GSN: variants seen among roughly 807,000 people sequenced by gnomAD.
GSN encodes actin-depolymerizing factor.
GSN carries 56 observed loss-of-function variants against 85.7 expected under a neutral mutation model. The observed-to-expected ratio is 0.65, with a 90% CI of 0.53 to 0.82. The LOEUF is 0.82. Among genes scored for constraint, GSN ranks in the 40% least tolerant of loss-of-function variants. The pLI is 0.00. For synonymous variants in GSN, 373 were observed against 399.1 expected (o/e 0.93, Z 0.78); for missense variants, 857 against 979.8 (o/e 0.87, Z 1.67).
intron 6 of GSN, chr9:121,312,809 G>A (rs897356260): frequency 5.4e-6 from 1 of 186,056 alleles, no homozygotes; most frequent in African/African-American, 2.4e-5. Flanking sequence ...TGAATTTTTT[G>A]TAGGAATGAG....
chr9:121,249,821 C>A (rs1450450968), intron 6 of GSN, among the ~76,000 whole-genome samples: 1 of 152,146 alleles, frequency 6.6e-6, no homozygotes, highest in Non-Finnish European at 1.5e-5. Flanking sequence ...TCTCTGTGTT[C>A]TTGAAATTAG....
chr9:121,259,455 A>T (rs1257974700), intron 6 of GSN, among the ~76,000 whole-genome samples: 1 of 152,132 alleles, frequency 6.6e-6, no homozygotes, highest in African/African-American at 2.4e-5. Flanking sequence ...AATAAAGGAG[A>T]GTTAAACAGG....
intron 2 of GSN, among the ~76,000 whole-genome samples, chr9:121,291,408 C>T (rs2058670564): frequency 6.9e-6 from 1 of 144,598 alleles, no homozygotes; most frequent in African/African-American, 2.6e-5. Context: ...ATATGTCTCC[C>T]CACTGGACTT....
At chr9:121,238,060 A>T (rs1472418369) in intron 5 of GSN, 1 of 152,320 alleles carries the variant, frequency 6.6e-6, no homozygotes, top group Non-Finnish European at 1.5e-5. Context: ...CTAAAGGAAT[A>T]AAGAAAACAG....
chr9:121,274,956 CA>C (rs2056486781), intron 1 of GSN, among the ~76,000 whole-genome samples: 1 of 152,176 alleles, frequency 6.6e-6, no homozygotes, highest in South Asian at 2.1e-4. Context: ...TTTGGCCAAG[CA>C]AATAATCTGT....
chr9:121,306,690 T>G (rs2060456620), intron 4 of GSN, among the ~76,000 whole-genome samples: 1 of 152,270 alleles, frequency 6.6e-6, no homozygotes, highest in Admixed American at 6.5e-5. Flanking sequence ...CAATCAGTGC[T>G]AAAGATGATA....
chr9:121,332,064 A>G lies in GSN; in HGVS notation c.2027-370A>G, dbSNP rs1338656938. On this transcript the variant is annotated intron_variant, in intron 17 of 17. Transcript: ENST00000432226. This position sits in a 1 kb window ranked among gnomAD's most constrained non-coding sequence, Gnocchi z 4.8. The stretch of plus-strand genomic sequence containing the variant: ...GAATGAGATGGTGTCTCAAAATGAA[A>G]AAAAAAAAGAAAAAGATGTTGCAAA... 1.3e-5 allele frequency among the ~76,000 whole-genome samples: 2 copies of G among 152,096 alleles called. No individual in the cohort carries two copies. The highest frequency in any genetic ancestry group is 6.5e-5 in the Admixed American group (1 of 15,278).
intron 4 of GSN, among the ~76,000 whole-genome samples, chr9:121,224,555 A>AG (rs1379229552): frequency 6.6e-6 from 1 of 152,100 alleles, no homozygotes; most frequent in Non-Finnish European, 1.5e-5. Context: ...CCTGCAGGTT[A>AG]GGGGCAGAAC....
At chr9:121,255,749 T>C (rs2054942979) in intron 6 of GSN, among the ~76,000 whole-genome samples, 1 of 152,226 alleles carries the variant, frequency 6.6e-6, no homozygotes. Context: ...AACCTTTAGG[T>C]GATTTCCATT....
At chr9:121,239,408 AC>A in intron 5 of GSN, 1 of 429,888 alleles carries the variant, frequency 2.3e-6, no homozygotes, top group South Asian at 2.0e-5. Flanking sequence ...GATTTGAAGA[AC>A]CAGGCAGTTT....
At chr9:121,307,953 C>T (rs561272192) in intron 4 of GSN, among the ~76,000 whole-genome samples, 6 of 152,370 alleles carry the variant, frequency 3.9e-5, no homozygotes, top group East Asian at 1.9e-4. Context: ...ATCCAGCCTT[C>T]GGACCCCCTC....
chr9:121,326,615 C>T lies in GSN; in HGVS notation c.1520C>T (p.Thr507Ile), dbSNP rs1475977136. ...KGGTSREGGQ[T>I]APASTRLFQV... ...GGCACCTCCCGCGAGGGCGGGCAGA[C>T]AGCCCCTGCCAGCACCCGCCTCTTC... The change falls in exon 13 of 18, where the codon ACA becomes ATA. Residue 507 changes from threonine (T) to isoleucine (I), a missense_variant. Coordinates refer to ENST00000432226, the MANE Select transcript of GSN (RefSeq NM_198252.3). The T allele has an allele frequency of 3.1e-6, 5 of 1,601,548 alleles. No homozygotes were observed. Among genetic ancestry groups the T allele is most frequent in the Non-Finnish European group, 4.3e-6 (5 of 1,173,108 alleles).
chr9:121,269,391 G>C (rs958709360), intron 1 of GSN, among the ~76,000 whole-genome samples: 2 of 152,204 alleles, frequency 1.3e-5, no homozygotes, highest in Non-Finnish European at 2.9e-5. Context: ...TTGTCACACA[G>C]TGAGGCAGGG....
chr9:121,331,990 C>T (rs778160842), intron 17 of GSN: 16 of 229,932 alleles, frequency 7.0e-5, no homozygotes, highest in Non-Finnish European at 1.1e-4. Context: ...CAGGAGTTCA[C>T]GGCTGCTGTG....
chr9:121,305,495 C>G (rs2060307455), intron 4 of GSN, among the ~76,000 whole-genome samples: 1 of 152,166 alleles, frequency 6.6e-6, no homozygotes, highest in South Asian at 2.1e-4. Context: ...GCAACTTTTC[C>G]AAGGTCACAC....
At chr9:121,293,860 G>C (rs960556620) in intron 2 of GSN, among the ~76,000 whole-genome samples, 1 of 152,044 alleles carries the variant, frequency 6.6e-6, no homozygotes, top group African/African-American at 2.4e-5. Context: ...AGCCCCAAAT[G>C]TTCTTTACCT....
intron 4 of GSN, among the ~76,000 whole-genome samples, chr9:121,223,509 C>A (rs1010394554): frequency 6.6e-6 from 1 of 152,126 alleles, no homozygotes; most frequent in Non-Finnish European, 1.5e-5. Context: ...CACAATTTGT[C>A]ACCAAAGTAT....
chr9:121,248,408 T>A (rs774467939), intron 6 of GSN: 1 of 152,438 alleles, frequency 6.6e-6, no homozygotes, highest in Non-Finnish European at 1.5e-5. Flanking sequence ...CCTTCTTCCC[T>A]TCCCTTCCTT....
In GSN at chr9:121,312,482, G is replaced by A. The variant is rs923896672; in HGVS notation, c.657G>A (p.Met219Ile). 9 of 1,611,008 alleles carry A rather than the reference G, an allele frequency of 5.6e-6. No homozygotes were observed. The highest frequency in any genetic ancestry group is 7.6e-6 in the Non-Finnish European group (9 of 1,177,944). Residue 219 changes from methionine to isoleucine, a missense_variant, in exon 6 of 18, where the codon ATG becomes ATA. Transcript: ENST00000432226. Reference sequence around the variant, plus strand: ...AGGAGGGCACTGAGCCCGAGGCGATGCTCCAGGTGCCTGTGGGGTGCGCAA... The same window carrying A: ...AGGAGGGCACTGAGCCCGAGGCGATACTCCAGGTGCCTGTGGGGTGCGCAA... ...VSEEGTEPEA[M>I]LQVLGPKPAL...
Sources: gnomAD v4.1 joint callset for allele counts (sites outside exome capture counted in the v4.1 genomes callset) on GRCh38, gnomAD v4.1.1 for gene constraint, Gnocchi (gnomAD v3.1) non-coding constraint, MANE v1.5 for transcripts, NCBI Gene and HGNC (gene_info 2026-07-23, HGNC 2026-07-21) for gene names.